The following FBXL20 variants were observed in gnomAD, a reference collection of about 807,000 sequenced individuals.
FBXL20 encodes the protein F-box/LRR-repeat protein 20.
A neutral mutation model predicts 64.0 loss-of-function variants in FBXL20; 11 were observed. The observed-to-expected ratio is 0.17, with a 90% confidence interval of 0.11 to 0.28. The LOEUF (loss-of-function observed/expected upper bound fraction) is 0.28, where lower values mean the gene tolerates loss of function less well. Among genes scored for constraint, FBXL20 ranks in the 10% least tolerant of loss-of-function variants. The pLI is 1.00. For synonymous variants in FBXL20, 184 were observed against 189.0 expected (o/e 0.97, Z 0.22); for missense variants, 303 against 526.2 (o/e 0.58, Z 4.15).
intron 6 of FBXL20, among the ~76,000 whole-genome samples, chr17:39,286,514 CCAA>C (rs2046989329): frequency 2.6e-5 from 4 of 152,058 alleles, no homozygotes; most frequent in Admixed American, 2.0e-4. Flanking sequence ...TGTGCCTGGC[CCAA>C]CATTTATCAA....
rs2046715557 is a variant in FBXL20, at chr17:39,258,631, G to C, written c.*2829C>G. 1 of 152,212 alleles carries C rather than the reference G, an allele frequency of 6.6e-6. No homozygotes were observed. The highest frequency in any genetic ancestry group is 6.5e-5 in the Admixed American group (1 of 15,284). 9.4% of individuals were successfully genotyped at this position (152,212 alleles called of 1,614,324 possible). On this transcript the variant is annotated 3_prime_UTR_variant, in exon 15 of 15. Transcript: ENST00000264658. ...CAAGATCATCATGAACTGATGAATAGAGTCTTTTAAACTTATCTTTTAAGT... is the reference window on the plus strand; with the variant it reads ...CAAGATCATCATGAACTGATGAATACAGTCTTTTAAACTTATCTTTTAAGT...
At chr17:39,305,365 CACCATAAGCT>C (rs2144463851) in intron 2 of FBXL20, among the ~76,000 whole-genome samples, 1 of 152,266 alleles carries the variant, frequency 6.6e-6, no homozygotes, top group South Asian at 2.1e-4. Context: ...TGATAAACCA[CACCATAAGCT>C]ACCTGTGCAA....
intron 1 of FBXL20, among the ~76,000 whole-genome samples, chr17:39,363,612 C>T (rs1467151681): frequency 6.6e-6 from 1 of 151,764 alleles, no homozygotes; most frequent in Non-Finnish European, 1.5e-5. Context: ...GAATTCCAGA[C>T]CAGCCTGGGC....
chr17:39,288,720 T>C (rs550126745), intron 6 of FBXL20, among the ~76,000 whole-genome samples: 2 of 152,252 alleles, frequency 1.3e-5, no homozygotes, highest in South Asian at 4.1e-4. Context: ...ATAATTTTTT[T>C]TTTCCTAAGA....
chr17:39,284,328 AAAG>A (rs1185963776), intron 7 of FBXL20, among the ~76,000 whole-genome samples: 4 of 152,364 alleles, frequency 2.6e-5, no homozygotes, highest in South Asian at 2.1e-4. Flanking sequence ...CAATATTCAC[AAAG>A]AAGGTCTAAA....
chr17:39,391,329 A>G (rs886182248), intron 1 of FBXL20, among the ~76,000 whole-genome samples: 5 of 152,094 alleles, frequency 3.3e-5, no homozygotes, highest in Non-Finnish European at 7.4e-5. Context: ...ATAATATTAC[A>G]AAGTCTAACT....
intron 1 of FBXL20, among the ~76,000 whole-genome samples, chr17:39,379,193 A>T (rs956157085): frequency 6.6e-6 from 1 of 150,398 alleles, no homozygotes; most frequent in Non-Finnish European, 1.5e-5. Context: ...CCTGGGCAAG[A>T]AGAGTGAAAC....
chr17:39,348,421 C>T (rs1389987322), intron 1 of FBXL20, among the ~76,000 whole-genome samples: 1 of 151,912 alleles, frequency 6.6e-6, no homozygotes, highest in Non-Finnish European at 1.5e-5. Flanking sequence ...GATCATGCTA[C>T]TGCAGTCCAG....
chr17:39,335,555 C>A (rs2047512341), intron 2 of FBXL20, among the ~76,000 whole-genome samples: 1 of 143,268 alleles, frequency 7.0e-6, no homozygotes, highest in Non-Finnish European at 1.5e-5. Context: ...TGCACTCCAG[C>A]CTGGGCAACA....
chr17:39,307,609 A>G (rs1343631935), intron 2 of FBXL20, among the ~76,000 whole-genome samples: 1 of 152,214 alleles, frequency 6.6e-6, no homozygotes, highest in Non-Finnish European at 1.5e-5. Context: ...TAAGATAGGT[A>G]CTATTAGCAT....
At chr17:39,270,652 G>A in intron 11 of FBXL20, 144 bp downstream of exon 11, 1 of 628,430 alleles carries the variant, frequency 1.6e-6, no homozygotes, top group Non-Finnish European at 2.8e-6. Context: ...ATATCAGTAG[G>A]TCTGTAGCTA....
At chr17:39,309,323 T>A (rs1013988514) in intron 2 of FBXL20, among the ~76,000 whole-genome samples, 1 of 152,176 alleles carries the variant, frequency 6.6e-6, no homozygotes, top group Non-Finnish European at 1.5e-5. Context: ...TCCTGAATTA[T>A]CTCTAACAGT....
At chr17:39,391,545 C>CA (rs201746058) in intron 1 of FBXL20, among the ~76,000 whole-genome samples, 1,647 of 150,082 alleles carry the variant, frequency 0.011, 27 homozygotes, top group African/African-American at 0.037. Context: ...ATAATACACA[C>CA]AAAAAAAAAC....
chr17:39,348,670 T>C (rs1228620172), intron 1 of FBXL20, among the ~76,000 whole-genome samples: 2 of 152,174 alleles, frequency 1.3e-5, no homozygotes, highest in South Asian at 2.1e-4. Context: ...GATGCACTCA[T>C]AGGCAGTAAT....
chr17:39,350,142 A>G (rs967119478), intron 1 of FBXL20, among the ~76,000 whole-genome samples: 1 of 152,232 alleles, frequency 6.6e-6, no homozygotes, highest in Non-Finnish European at 1.5e-5. Flanking sequence ...TATACATAAT[A>G]ATGGAAAATA....
chr17:39,311,952 T>C (rs1001772782), intron 2 of FBXL20, among the ~76,000 whole-genome samples: 1 of 152,044 alleles, frequency 6.6e-6, no homozygotes, highest in African/African-American at 2.4e-5. Flanking sequence ...GACTTAGGAG[T>C]ACCATTAAAC....
chr17:39,315,829 C>CAGAGAGGG (rs2047284105), intron 2 of FBXL20, among the ~76,000 whole-genome samples: 1 of 129,686 alleles, frequency 7.7e-6, no homozygotes, highest in Non-Finnish European at 1.6e-5. Context: ...GAGAGAGAGA[C>CAGAGAGGG]AGAGAGAGAG....
At chr17:39,382,397 C>T (rs1274672542) in intron 1 of FBXL20, among the ~76,000 whole-genome samples, 2 of 144,274 alleles carry the variant, frequency 1.4e-5, no homozygotes, top group Non-Finnish European at 3.0e-5. Flanking sequence ...GAGCCCAGAT[C>T]GCGCCACTGC....
intron 1 of FBXL20, among the ~76,000 whole-genome samples, chr17:39,383,546 T>C (rs972126936): frequency 6.6e-6 from 1 of 151,594 alleles, no homozygotes; most frequent in African/African-American, 2.4e-5. Flanking sequence ...AGAGGATCAG[T>C]GTTATAGGTA....
Sources: allele counts gnomAD v4.1 joint callset (sites outside exome capture counted in the v4.1 genomes callset), GRCh38; gene constraint gnomAD v4.1.1; transcripts MANE v1.5; gene names NCBI Gene and HGNC (gene_info 2026-07-23, HGNC 2026-07-21).